The following NRXN3 variants were observed in gnomAD, a reference collection of about 807,000 sequenced individuals.
The protein encoded by NRXN3 is neurexin 3, also known as neurexin III.
A neutral mutation model predicts 137.6 loss-of-function variants in NRXN3; 32 were observed. That is an observed-to-expected ratio of 0.23 (90% CI 0.18 to 0.31). The LOEUF is 0.31. Among genes scored for constraint, NRXN3 ranks in the 10% least tolerant of loss-of-function variants. The pLI, the probability that NRXN3 is intolerant of heterozygous loss-of-function variation, is 1.00. For missense variants in NRXN3, 1,574 were observed against 2,062.5 expected (o/e 0.76, Z 4.59); for synonymous variants, 798 against 784.5 (o/e 1.02, Z -0.29).
intron 8 of NRXN3, among the ~76,000 whole-genome samples, chr14:78,722,591 A>C (rs567248675): frequency 3.9e-5 from 6 of 152,316 alleles, no homozygotes; most frequent in Admixed American, 6.5e-5. Context: ...TATTGAAAAA[A>C]ATGATGTGCC....
At chr14:78,252,170 T>C (rs1026484647) in intron 2 of NRXN3, among the ~76,000 whole-genome samples, 1 of 143,308 alleles carries the variant, frequency 7.0e-6, no homozygotes, top group Non-Finnish European at 1.5e-5. Flanking sequence ...TTTTTTTTTT[T>C]TAAATCCTGG....
intron 2 of NRXN3, among the ~76,000 whole-genome samples, chr14:78,247,062 G>A (rs914210560): frequency 6.6e-6 from 1 of 152,192 alleles, no homozygotes. Context: ...GGAGAGCTGC[G>A]AGGGCCTCTG....
intron 15 of NRXN3, among the ~76,000 whole-genome samples, chr14:79,323,718 G>C (rs1029665724): frequency 6.6e-6 from 1 of 152,140 alleles, no homozygotes; most frequent in Non-Finnish European, 1.5e-5. Flanking sequence ...ACGTAGCCGG[G>C]CGTGGCGGTG....
chr14:78,926,185 C>G (rs971144269), intron 10 of NRXN3, among the ~76,000 whole-genome samples: 7 of 151,998 alleles, frequency 4.6e-5, no homozygotes, highest in African/African-American at 1.7e-4. Context: ...AAGCCTGAAA[C>G]CACAGCCAGC....
chr14:79,109,094 C>A (rs2053004142), intron 15 of NRXN3, among the ~76,000 whole-genome samples: 1 of 152,156 alleles, frequency 6.6e-6, no homozygotes, highest in Non-Finnish European at 1.5e-5. Flanking sequence ...AATAGATGTT[C>A]AGTGAATGTT....
chr14:78,825,976 T>A (rs1357631310), intron 10 of NRXN3, among the ~76,000 whole-genome samples: 1 of 152,214 alleles, frequency 6.6e-6, no homozygotes, highest in East Asian at 1.9e-4. Context: ...TGGATGAGTA[T>A]CATGCATTGC....
chr14:79,684,676 G>T (rs2098687739), intron 17 of NRXN3, among the ~76,000 whole-genome samples: 1 of 152,154 alleles, frequency 6.6e-6, no homozygotes, highest in Admixed American at 6.6e-5. Context: ...TCTGAGCTGT[G>T]TGGGGACACC....
chr14:79,266,858 C>T (rs2078531772), intron 15 of NRXN3, among the ~76,000 whole-genome samples: 1 of 152,156 alleles, frequency 6.6e-6, no homozygotes, highest in East Asian at 1.9e-4. Flanking sequence ...GGATCATCAA[C>T]TAATTTAATG....
intron 10 of NRXN3, among the ~76,000 whole-genome samples, chr14:78,906,132 TAGATA>T (rs2099215553): frequency 6.6e-6 from 1 of 152,092 alleles, no homozygotes; most frequent in Non-Finnish European, 1.5e-5. Flanking sequence ...TATTTTCTCT[TAGATA>T]AAAGATTTAT....
intron 10 of NRXN3, among the ~76,000 whole-genome samples, chr14:78,879,283 A>G (rs1044849206): frequency 4.6e-5 from 7 of 152,164 alleles, no homozygotes; most frequent in East Asian, 1.9e-4. Context: ...AGGAACTTCC[A>G]TACTATTTTT....
intron 10 of NRXN3, among the ~76,000 whole-genome samples, chr14:78,914,023 A>T (rs1276528942): frequency 6.6e-6 from 1 of 152,096 alleles, no homozygotes; most frequent in Non-Finnish European, 1.5e-5. Context: ...CACTTCTTGA[A>T]CTGATCTGAG....
chr14:79,106,943 T>G (rs2052556470), intron 15 of NRXN3, among the ~76,000 whole-genome samples: 1 of 152,240 alleles, frequency 6.6e-6, no homozygotes, highest in South Asian at 2.1e-4. Context: ...AACTAATTTG[T>G]GATTTTTTAA....
At chr14:78,848,234 C>T (rs1384004089) in intron 10 of NRXN3, among the ~76,000 whole-genome samples, 1 of 152,048 alleles carries the variant, frequency 6.6e-6, no homozygotes, top group African/African-American at 2.4e-5. Flanking sequence ...GTTTAGTGAG[C>T]GAGTTTAAGA....
chr14:78,496,820 A>G (rs2095793593), intron 4 of NRXN3, among the ~76,000 whole-genome samples: 1 of 151,942 alleles, frequency 6.6e-6, no homozygotes, highest in Non-Finnish European at 1.5e-5. Flanking sequence ...GGGAAGAGGG[A>G]GAAGTTAACT....
At chr14:78,634,459 C>CAAAT (rs1376967464) in intron 4 of NRXN3, among the ~76,000 whole-genome samples, 1 of 152,168 alleles carries the variant, frequency 6.6e-6, no homozygotes, top group Non-Finnish European at 1.5e-5. Context: ...ATCCATAAAT[C>CAAAT]AAATAACCAA....
chr14:79,701,122 C>T (rs1419034998), intron 19 of NRXN3, among the ~76,000 whole-genome samples: 1 of 151,906 alleles, frequency 6.6e-6, no homozygotes, highest in Non-Finnish European at 1.5e-5. Flanking sequence ...GGTGCTTTGG[C>T]CAAATTTGTT....
intron 6 of NRXN3, among the ~76,000 whole-genome samples, chr14:78,700,459 A>G (rs2098267801): frequency 6.6e-6 from 1 of 152,166 alleles, no homozygotes; most frequent in Non-Finnish European, 1.5e-5. Flanking sequence ...AGAGGCACAT[A>G]TTTGCCAACA....
chr14:78,514,567 C>T lies in NRXN3; in HGVS notation c.758-130553C>T, dbSNP rs556098958. 3.4e-4 allele frequency among the ~76,000 whole-genome samples: 52 copies of T among 152,246 alleles called. 1 individual carries two copies. The South Asian group carries it at 1.0e-2, about 29-fold the overall frequency. ...TCATTCATTCAATCATTGAGTTCAA[C>T]AAATTCAATTTATTAAGAACATACT... On this transcript the variant is annotated intron_variant, in intron 4 of 20. Coordinates refer to ENST00000335750, the MANE Select transcript of NRXN3 (RefSeq NM_001330195.2).
At chr14:78,272,206 T>C (rs537078171) in intron 2 of NRXN3, among the ~76,000 whole-genome samples, 2 of 152,216 alleles carry the variant, frequency 1.3e-5, no homozygotes, top group South Asian at 4.2e-4. Context: ...CTCCCTTCTC[T>C]CTTTGCTAGC....
Sources: gnomAD v4.1 joint callset for allele counts (sites outside exome capture counted in the v4.1 genomes callset) on GRCh38, gnomAD v4.1.1 for gene constraint, MANE v1.5 for transcripts, NCBI Gene and HGNC (gene_info 2026-07-23, HGNC 2026-07-21) for gene names.